The following SH3D19 variants were observed in gnomAD, a reference collection of about 807,000 sequenced individuals.
The protein encoded by SH3D19 is SH3 domain-containing protein 19.
Under a neutral mutation model 112.1 loss-of-function variants are expected in SH3D19, and 58 were observed. That is an observed-to-expected ratio of 0.52 (90% CI 0.42 to 0.64). The LOEUF is 0.64. Ranked by LOEUF, SH3D19 falls within the 30% of genes least tolerant of loss-of-function variation. SH3D19 has a pLI of 0.00. For synonymous variants in SH3D19, 391 were observed against 448.5 expected (o/e 0.87, Z 1.62); for missense variants, 1,090 against 1,263.4 (o/e 0.86, Z 2.08).
intron 11 of SH3D19, 106 bp downstream of exon 11, chr4:151,147,816 G>A: frequency 7.1e-7 from 1 of 1,415,574 alleles, no homozygotes. Context: ...GGCGTCAAGG[G>A]ACAATTCCAC....
intron 1 of SH3D19, among the ~76,000 whole-genome samples, chr4:151,260,234 C>G (rs1327663952): frequency 6.6e-6 from 1 of 152,172 alleles, no homozygotes; most frequent in Non-Finnish European, 1.5e-5. Context: ...CCACCCTCTT[C>G]CATTTCCCTT....
intron 17 of SH3D19, among the ~76,000 whole-genome samples, chr4:151,130,596 A>G (rs953769413): frequency 6.6e-6 from 1 of 152,224 alleles, no homozygotes; most frequent in Non-Finnish European, 1.5e-5. Context: ...CTTTCTCATT[A>G]TACAAATGAA....
Position 151,287,994 on chromosome 4 carries a change from C to A in SH3D19, c.112+37247G>T, listed in dbSNP as rs191479697. On this transcript the variant is annotated intron_variant, in intron 1 of 19. Transcript: ENST00000604030. ...CCAGAAATCAATCAATGTTAATATA[C>A]CATGTTCTTAGAATAAAGAGCAAAA... Among the ~76,000 whole-genome samples, 147 of 152,158 alleles carry A rather than the reference C, an allele frequency of 9.7e-4. 1 individual carries two copies. The highest frequency in any genetic ancestry group is 3.5e-3 in the African/African-American group (144 of 41,512).
chr4:151,206,828 T>G (rs1210781774), intron 2 of SH3D19, among the ~76,000 whole-genome samples: 2 of 152,178 alleles, frequency 1.3e-5, no homozygotes, highest in Non-Finnish European at 2.9e-5. Flanking sequence ...TTCTCGTGCA[T>G]GCTCTCATTC....
chr4:151,290,748 C>T (rs1775244513), intron 1 of SH3D19, among the ~76,000 whole-genome samples: 1 of 152,162 alleles, frequency 6.6e-6, no homozygotes, highest in Admixed American at 6.5e-5. Context: ...CTATCACTAT[C>T]ATTTTAGGTA....
chr4:151,182,534 G>T (rs1462624786), intron 3 of SH3D19, among the ~76,000 whole-genome samples: 1 of 152,224 alleles, frequency 6.6e-6, no homozygotes, highest in Non-Finnish European at 1.5e-5. Flanking sequence ...GGGTCTTGCA[G>T]TCGTACGTAC....
At chr4:151,258,855 G>A (rs1366813687) in intron 1 of SH3D19, among the ~76,000 whole-genome samples, 1 of 152,116 alleles carries the variant, frequency 6.6e-6, no homozygotes, top group Non-Finnish European at 1.5e-5. Context: ...TCCAGGGGCA[G>A]GGAGTGCTGG....
At chr4:151,135,246 G>T in intron 14 of SH3D19, 114 bp from the exon 15 acceptor site, 1 of 729,270 alleles carries the variant, frequency 1.4e-6, no homozygotes, top group Non-Finnish European at 2.2e-6. Flanking sequence ...TTAGCTAGGT[G>T]TTAATCTGAT....
At chr4:151,225,673 T>C (rs1768874906) in intron 2 of SH3D19, among the ~76,000 whole-genome samples, 1 of 152,334 alleles carries the variant, frequency 6.6e-6, no homozygotes, top group African/African-American at 2.4e-5. Flanking sequence ...AAAATATCTT[T>C]TAAATTTCTA....
intron 1 of SH3D19, among the ~76,000 whole-genome samples, chr4:151,241,133 AAT>A (rs1770521348): frequency 7.8e-6 from 1 of 127,610 alleles, no homozygotes; most frequent in African/African-American, 2.8e-5. Context: ...AAAAAAAAAA[AAT>A]TAAAAAACTA....
chr4:151,123,300 G>A (rs1027990583), intron 19 of SH3D19, among the ~76,000 whole-genome samples: 13 of 152,204 alleles, frequency 8.5e-5, no homozygotes, highest in Non-Finnish European at 1.5e-4. Flanking sequence ...CTAACCACTA[G>A]GCTATGTGGC....
chr4:151,315,037 T>A (rs1468981439), intron 1 of SH3D19, among the ~76,000 whole-genome samples: 1 of 152,144 alleles, frequency 6.6e-6, no homozygotes, highest in East Asian at 1.9e-4. Context: ...GTGGGTACAT[T>A]GCCACATCCA....
intron 18 of SH3D19, 84 bp downstream of exon 18, chr4:151,128,086 G>T: frequency 1.7e-6 from 2 of 1,145,804 alleles, no homozygotes; most frequent in Non-Finnish European, 2.4e-6. Flanking sequence ...ACTGAGCATG[G>T]CCAGAGGGGA....
chr4:151,227,736 A>T, intron 1 of SH3D19: 1 of 985,114 alleles, frequency 1.0e-6, no homozygotes, highest in African/African-American at 1.7e-5. Flanking sequence ...AGCTATCCTC[A>T]TATAACAAAG....
At chr4:151,239,774 A>G (rs904828489) in intron 1 of SH3D19, among the ~76,000 whole-genome samples, 10 of 152,256 alleles carry the variant, frequency 6.6e-5, no homozygotes, top group African/African-American at 2.4e-4. Flanking sequence ...AGAGGTCCAT[A>G]TCATTCATTC....
intron 1 of SH3D19, among the ~76,000 whole-genome samples, chr4:151,278,309 C>G (rs938821062): frequency 6.6e-6 from 1 of 151,896 alleles, no homozygotes; most frequent in African/African-American, 2.4e-5. Flanking sequence ...CACTCTGTCA[C>G]CCAGGTTAGA....
chr4:151,220,798 A>G (rs1221522611), intron 2 of SH3D19, among the ~76,000 whole-genome samples: 2 of 152,238 alleles, frequency 1.3e-5, no homozygotes, highest in East Asian at 3.8e-4. Flanking sequence ...GCATCACAGT[A>G]AAGAAATATG....
intron 6 of SH3D19, among the ~76,000 whole-genome samples, chr4:151,176,209 T>A (rs1240289676): frequency 6.6e-6 from 1 of 152,232 alleles, no homozygotes; most frequent in Non-Finnish European, 1.5e-5. Context: ...CTTAGCATCC[T>A]ATCAAGTATA....
chr4:151,207,937 G>T (rs1457920395), intron 2 of SH3D19, among the ~76,000 whole-genome samples: 2 of 152,194 alleles, frequency 1.3e-5, no homozygotes, highest in Non-Finnish European at 2.9e-5. Flanking sequence ...TTGAAAAGCA[G>T]AGATAACACT....
Sources: gnomAD v4.1 joint callset for allele counts (sites outside exome capture counted in the v4.1 genomes callset) on GRCh38, gnomAD v4.1.1 for gene constraint, MANE v1.5 for transcripts, NCBI Gene and HGNC (gene_info 2026-07-23, HGNC 2026-07-21) for gene names.